Variants in PLXNA2 observed in about 807,000 individuals in gnomAD.
The protein encoded by PLXNA2 is plexin-A2.
Under a neutral mutation model 193.5 loss-of-function variants are expected in PLXNA2, and 91 were observed. The ratio of observed to expected loss-of-function variants is 0.47; its 90% CI spans 0.40 to 0.56. The LOEUF is 0.56. PLXNA2 is among the 20% of genes least tolerant of loss of function. The pLI is 0.00. For synonymous variants in PLXNA2, 997 were observed against 1,027.3 expected (o/e 0.97, Z 0.56); for missense variants, 1,995 against 2,503.2 (o/e 0.80, Z 4.33).
At chr1:208,209,431 G>A (rs1459867989) in intron 3 of PLXNA2, among the ~76,000 whole-genome samples, 7 of 152,224 alleles carry the variant, frequency 4.6e-5, no homozygotes, top group Non-Finnish European at 1.0e-4. Context: ...CAGGTGCTGG[G>A]ACCAGGGAAA....
intron 9 of PLXNA2, among the ~76,000 whole-genome samples, chr1:208,090,171 A>T (rs752406084): frequency 1.3e-5 from 2 of 152,104 alleles, no homozygotes; most frequent in Non-Finnish European, 2.9e-5. Flanking sequence ...GGCTTCCCTC[A>T]CAGTCCTCCG....
rs779406769 is a variant in PLXNA2 at position 208,060,710 on chromosome 1, G to T, written c.2714C>A (p.Pro905Gln). ...CTGCTCAGCGATGATGTATTCCCCT[G>T]GGAGGGGCGTGCAGGGCACCCCAGC... The part of the protein sequence containing the change: ...QVAGVPCTPL[P>Q]GEYIIAEQIV... Residue 905 changes from proline to glutamine, a missense_variant, in exon 13 of 32, where the codon CCA becomes CAA. By Grantham distance (76) the Pro-to-Gln change is moderately conservative. Transcript: ENST00000367033. 2 of 1,613,940 alleles carry T rather than the reference G, an allele frequency of 1.2e-6. No individual in the cohort carries two copies. Among genetic ancestry groups the T allele is most frequent in the Non-Finnish European group, 1.7e-6 (2 of 1,179,902 alleles).
chr1:208,119,039 C>T (rs749078262), intron 4 of PLXNA2, among the ~76,000 whole-genome samples: 71 of 152,164 alleles, frequency 4.7e-4, no homozygotes, highest in Admixed American at 5.9e-4. Flanking sequence ...ACCACCTGAG[C>T]GTAATCTGGC....
At position 208,051,320 on chromosome 1, in the gene PLXNA2, G is replaced by T. The variant is rs773723649; in HGVS notation, c.3097C>A (p.Leu1033Met). Reference sequence around the variant, plus strand: ...GGGTCATCTATGTACTCAAACTGCAGGTTGCTATCCACATGGGCTCGGTCG... The same window carrying T: ...GGGTCATCTATGTACTCAAACTGCATGTTGCTATCCACATGGGCTCGGTCG... ...SVDRAHVDSN[L>M]QFEYIDDPRV... Residue 1033 changes from leucine to methionine, a missense_variant, in exon 16 of 32, where the codon CTG (leucine) becomes ATG (methionine). Transcript: ENST00000367033. The T allele has an allele frequency of 1.2e-6, 2 of 1,613,832 alleles. No individual in the cohort carries two copies. Among genetic ancestry groups the T allele is most frequent in the East Asian group, 4.5e-5 (2 of 44,880 alleles).
At chr1:208,122,256 T>C (rs1667829210) in intron 4 of PLXNA2, among the ~76,000 whole-genome samples, 2 of 152,142 alleles carry the variant, frequency 1.3e-5, no homozygotes, top group Non-Finnish European at 2.9e-5. Flanking sequence ...ATCAAATTAC[T>C]TCTATTATAA....
rs974383399 is a variant in PLXNA2 at position 208,142,136 on chromosome 1, C to T, written c.1506+193G>A. On this transcript the variant is annotated intron_variant, in intron 4 of 31. Transcript: ENST00000367033. ...GGGCTGTGGCCTAGAGTGAAGCCTC[C>T]GGGAAGTGGCTGGCCCCCGGCTGCT... Among the ~76,000 whole-genome samples, 5 of 152,218 alleles carry T rather than the reference C, an allele frequency of 3.3e-5. No individual in the cohort carries two copies. In the South Asian group the frequency reaches 6.2e-4, roughly 19 times the overall value.
intron 17 of PLXNA2, among the ~76,000 whole-genome samples, chr1:208,049,610 C>T (rs553857656): frequency 3.3e-5 from 5 of 152,334 alleles, no homozygotes; most frequent in South Asian, 2.1e-4. Context: ...GGCCTAGTTA[C>T]GAAGAGTCTG....
intron 9 of PLXNA2, among the ~76,000 whole-genome samples, chr1:208,085,453 A>G (rs1429197130): frequency 5.3e-5 from 8 of 152,174 alleles, no homozygotes; most frequent in Non-Finnish European, 7.4e-5. Context: ...CTTAGGGGGA[A>G]CTTCTGGGAA....
intron 22 of PLXNA2, among the ~76,000 whole-genome samples, chr1:208,040,747 C>A (rs758399313): frequency 1.3e-5 from 2 of 152,232 alleles, no homozygotes; most frequent in Non-Finnish European, 2.9e-5. Flanking sequence ...CATTAGCTGT[C>A]ATTATTGCTG....
At chr1:208,078,527 C>A (rs1441246252) in intron 12 of PLXNA2, among the ~76,000 whole-genome samples, 1 of 152,118 alleles carries the variant, frequency 6.6e-6, no homozygotes, top group Non-Finnish European at 1.5e-5. Flanking sequence ...TTATTCCTAG[C>A]CACCACCAGG....
intron 4 of PLXNA2, among the ~76,000 whole-genome samples, chr1:208,112,245 T>A (rs562575505): frequency 6.6e-6 from 1 of 152,212 alleles, no homozygotes; most frequent in African/African-American, 2.4e-5. Context: ...TACAGTGGAA[T>A]TCAACCCTTG....
At chr1:208,182,497 A>AT in intron 3 of PLXNA2, among the ~76,000 whole-genome samples, 1 of 152,176 alleles carries the variant, frequency 6.6e-6, no homozygotes, top group Non-Finnish European at 1.5e-5. Context: ...CTGCAAGAGA[A>AT]TTTTTTGGCA....
chr1:208,046,773 GA>G (rs1665081407), intron 17 of PLXNA2, among the ~76,000 whole-genome samples: 1 of 143,256 alleles, frequency 7.0e-6, no homozygotes, highest in Non-Finnish European at 1.5e-5. Flanking sequence ...GGATGTTTGA[GA>G]AAAAAGTAGG....
intron 2 of PLXNA2, 144 bp downstream of exon 2, chr1:208,216,591 G>A: frequency 2.2e-6 from 2 of 890,478 alleles, no homozygotes; most frequent in Non-Finnish European, 3.3e-6. Flanking sequence ...TGCGTTATTG[G>A]TTACCACCTG....
intron 1 of PLXNA2, among the ~76,000 whole-genome samples, chr1:208,227,924 T>A (rs1052749491): frequency 1.3e-5 from 2 of 152,232 alleles, no homozygotes; most frequent in African/African-American, 4.8e-5. Flanking sequence ...CATATTGTGC[T>A]GCCATTAAAC....
intron 1 of PLXNA2, among the ~76,000 whole-genome samples, chr1:208,226,201 C>A (rs1438328369): frequency 6.6e-6 from 1 of 152,180 alleles, no homozygotes; most frequent in East Asian, 1.9e-4. Flanking sequence ...TGGACCCTAC[C>A]CTTTTTTTGC....
Position 208,236,649 on chromosome 1 carries a change from C to T in PLXNA2, c.-81+6994G>A, listed in dbSNP as rs796278539. On this transcript the variant is annotated intron_variant, in intron 1 of 31. Coordinates refer to ENST00000367033, the MANE Select transcript of PLXNA2 (RefSeq NM_025179.4). The surrounding 1 kb of genome is among the most constrained non-coding windows in gnomAD (Gnocchi z 4.4). ...GCTGTCCCTGGCGTGTTCTCGTTCACTCAGTGAGTTGTCTACCACTCTCAG... is the reference window on the plus strand; with the variant it reads ...GCTGTCCCTGGCGTGTTCTCGTTCATTCAGTGAGTTGTCTACCACTCTCAG... Among the ~76,000 whole-genome samples, 5 of 152,364 alleles carry T rather than the reference C, an allele frequency of 3.3e-5. No individual in the cohort carries two copies. Among genetic ancestry groups the T allele is most frequent in the Middle Eastern group, 3.4e-3 (1 of 294 alleles).
chr1:208,084,601 G>C, intron 9 of PLXNA2, 21 bp from the exon 10 acceptor site: 1 of 1,609,490 alleles, frequency 6.2e-7, no homozygotes, highest in Non-Finnish European at 8.5e-7. Flanking sequence ...AAACGAAGAG[G>C]CTCCATCTGT....
intron 17 of PLXNA2, among the ~76,000 whole-genome samples, chr1:208,047,425 C>T (rs968709403): frequency 9.3e-6 from 1 of 107,140 alleles, no homozygotes; most frequent in Non-Finnish European, 2.0e-5. Context: ...TCCAGTCCCT[C>T]CTTAGCATGA....
Sources: allele counts gnomAD v4.1 joint callset (sites outside exome capture counted in the v4.1 genomes callset), GRCh38; gene constraint gnomAD v4.1.1; non-coding constraint Gnocchi (gnomAD v3.1); transcripts MANE v1.5; gene names NCBI Gene and HGNC (gene_info 2026-07-23, HGNC 2026-07-21).